NMNAT2: variants seen among roughly 807,000 people sequenced by gnomAD.
The protein encoded by NMNAT2 is nicotinamide nucleotide adenylyltransferase 2, also known as nicotinamide/nicotinic acid mononucleotide adenylyltransferase 2.
Under a neutral mutation model 41.6 loss-of-function variants are expected in NMNAT2, and 11 were observed. The ratio of observed to expected loss-of-function variants is 0.26; its 90% CI spans 0.17 to 0.44. The LOEUF is 0.44. Among genes scored for constraint, NMNAT2 ranks in the 20% least tolerant of loss-of-function variants. The pLI is 1.00. For missense variants in NMNAT2, 288 were observed against 407.7 expected, an observed-to-expected ratio of 0.71 and a Z score of 2.53; for synonymous variants, 148 against 151.2, an observed-to-expected ratio of 0.98 and a Z score of 0.16.
chr1:183,367,970 G>T (rs970565007), intron 1 of NMNAT2, among the ~76,000 whole-genome samples: 2 of 152,066 alleles, frequency 1.3e-5, no homozygotes, highest in African/African-American at 4.8e-5. Context: ...AATAAGCAAA[G>T]AAATGGAGAG....
chr1:183,258,957 T>C (rs1268952380), intron 10 of NMNAT2, among the ~76,000 whole-genome samples: 1 of 152,182 alleles, frequency 6.6e-6, no homozygotes, highest in Non-Finnish European at 1.5e-5. Flanking sequence ...AATAAAACTC[T>C]GGTCTCCCGC....
At position 183,378,308 on chromosome 1, in the gene NMNAT2, C is replaced by T. The variant is rs112703465; in HGVS notation, c.85+39875G>A. On this transcript the variant is annotated intron_variant, in intron 1 of 10. Transcript: ENST00000287713. ...ACTCAGGAGGCTGAGGTAGGATAATCGCTTAAACCTAGGAGACAGAGGTTG... is the reference window on the plus strand; with the variant it reads ...ACTCAGGAGGCTGAGGTAGGATAATTGCTTAAACCTAGGAGACAGAGGTTG... Among the ~76,000 whole-genome samples the T allele has an allele frequency of 5.9e-3, 891 of 151,822 alleles. 14 individuals are homozygous for T. Among genetic ancestry groups the T allele is most frequent in the African/African-American group, 0.019 (801 of 41,374 alleles).
At chr1:183,362,312 T>A (rs1387155525) in intron 1 of NMNAT2, among the ~76,000 whole-genome samples, 1 of 152,180 alleles carries the variant, frequency 6.6e-6, no homozygotes, top group Non-Finnish European at 1.5e-5. Context: ...TGCAATTCAG[T>A]GATTTTTAGT....
chr1:183,390,998 T>G (rs899226435), intron 1 of NMNAT2, among the ~76,000 whole-genome samples: 1 of 152,106 alleles, frequency 6.6e-6, no homozygotes, highest in Non-Finnish European at 1.5e-5. Context: ...GCCTAAAAAT[T>G]AACACAAACC....
chr1:183,340,659 G>A lies in NMNAT2; in HGVS notation c.86-46866C>T, dbSNP rs553476733. Reference sequence around the variant, plus strand: ...CTTCTTCCGATGGACAGCAGACTGGGAAGCTTTGCAAAAACTTGCTTGATT... The same window carrying A: ...CTTCTTCCGATGGACAGCAGACTGGAAAGCTTTGCAAAAACTTGCTTGATT... On this transcript the variant is annotated intron_variant, in intron 1 of 10. Coordinates refer to ENST00000287713, the MANE Select transcript of NMNAT2 (RefSeq NM_015039.4). 3.7e-3 allele frequency among the ~76,000 whole-genome samples: 568 copies of A among 152,274 alleles called. 3 individuals carry two copies. The highest frequency in any genetic ancestry group is 6.4e-3 in the Non-Finnish European group (436 of 68,020).
At chr1:183,270,929 C>T (rs1308247301) in intron 8 of NMNAT2, among the ~76,000 whole-genome samples, 10 of 152,036 alleles carry the variant, frequency 6.6e-5, no homozygotes, top group Admixed American at 5.9e-4. Context: ...GGCTAATGCC[C>T]GAGGCTCTTC....
chr1:183,319,473 CT>C (rs1662316999), intron 1 of NMNAT2, among the ~76,000 whole-genome samples: 2 of 152,236 alleles, frequency 1.3e-5, no homozygotes, highest in African/African-American at 4.8e-5. Flanking sequence ...AGCCAGCTCT[CT>C]CAGAGGCAGC....
In NMNAT2 at chr1:183,257,087, C is replaced by T. The variant is rs149177126; in HGVS notation, c.821+3915G>A. ...CTTTATCTGGCTTAGGTATCAAAGG[C>T]GATGCTGGCCTCGTAGAATGTGCTA... On this transcript the variant is annotated intron_variant, in intron 10 of 10. Transcript: ENST00000287713. 1.0e-3 allele frequency among the ~76,000 whole-genome samples: 155 copies of T among 152,076 alleles called. 1 individual carries two copies. In the East Asian group the frequency reaches 0.019, roughly 19 times the overall value.
intron 1 of NMNAT2, among the ~76,000 whole-genome samples, chr1:183,318,745 T>C (rs1351147634): frequency 1.3e-5 from 2 of 152,188 alleles, no homozygotes; most frequent in Admixed American, 1.3e-4. Context: ...ACTGCTGACC[T>C]CTACTTCTAC....
chr1:183,294,878 A>G (rs1418973345), intron 1 of NMNAT2, among the ~76,000 whole-genome samples: 1 of 152,256 alleles, frequency 6.6e-6, no homozygotes, highest in Non-Finnish European at 1.5e-5. Flanking sequence ...ATAGTGAAGG[A>G]ATTTTTAAGT....
At chr1:183,308,431 T>C (rs969510754) in intron 1 of NMNAT2, among the ~76,000 whole-genome samples, 1 of 152,200 alleles carries the variant, frequency 6.6e-6, no homozygotes, top group Non-Finnish European at 1.5e-5. Flanking sequence ...GGCATGACCT[T>C]GACCTGGCAC....
intron 1 of NMNAT2, among the ~76,000 whole-genome samples, chr1:183,414,119 A>G (rs992994056): frequency 6.6e-6 from 1 of 152,210 alleles, no homozygotes; most frequent in Non-Finnish European, 1.5e-5. Context: ...TTTTGGAGAC[A>G]ATATCAGAGC....
At chr1:183,267,206 G>A (rs1025036025) in intron 8 of NMNAT2, 1 of 152,322 alleles carries the variant, frequency 6.6e-6, no homozygotes, top group Non-Finnish European at 1.5e-5. Context: ...AAAAACCACT[G>A]GGGGAGAGAC....
At chr1:183,337,238 A>G (rs1571605837) in intron 1 of NMNAT2, among the ~76,000 whole-genome samples, 2 of 152,342 alleles carry the variant, frequency 1.3e-5, no homozygotes, top group East Asian at 1.9e-4. Context: ...GATTTCTACA[A>G]TAAGAGAGAA....
intron 1 of NMNAT2, among the ~76,000 whole-genome samples, chr1:183,315,057 C>G (rs1468660842): frequency 6.6e-6 from 1 of 152,176 alleles, no homozygotes; most frequent in Non-Finnish European, 1.5e-5. Context: ...ATGCAGATTT[C>G]AAAAATCAAA....
intron 1 of NMNAT2, among the ~76,000 whole-genome samples, chr1:183,305,746 G>A (rs1244325385): frequency 8.5e-6 from 1 of 118,274 alleles, no homozygotes. Flanking sequence ...TAAAGAAAGA[G>A]TTTCTCTCTT....
intron 1 of NMNAT2, among the ~76,000 whole-genome samples, chr1:183,347,942 G>C (rs913102236): frequency 7.2e-5 from 11 of 152,062 alleles, no homozygotes; most frequent in Non-Finnish European, 1.6e-4. Flanking sequence ...CGCTGGGAGG[G>C]TTGAACAAAT....
rs74129751 is a variant in NMNAT2, at chr1:183,350,964, C to G, written c.86-57171G>C. On this transcript the variant is annotated intron_variant, in intron 1 of 10. Transcript: ENST00000287713. ...TTTCCCAGTTCCAGAACTGTGTCAG[C>G]AAAATGGCAATAAAATGTCGCCATG... Among the ~76,000 whole-genome samples the G allele has an allele frequency of 9.7e-3, 1,476 of 152,212 alleles. 25 individuals are homozygous for G. The highest frequency in any genetic ancestry group is 0.034 in the African/African-American group (1,415 of 41,524).
intron 4 of NMNAT2, among the ~76,000 whole-genome samples, chr1:183,287,869 G>C (rs2102305238): frequency 6.6e-6 from 1 of 152,372 alleles, no homozygotes; most frequent in Admixed American, 6.5e-5. Flanking sequence ...GGGCAGAGCA[G>C]TGTATGAGTC....
Sources: allele counts gnomAD v4.1 joint callset (sites outside exome capture counted in the v4.1 genomes callset), GRCh38; gene constraint gnomAD v4.1.1; transcripts MANE v1.5; gene names NCBI Gene and HGNC (gene_info 2026-07-23, HGNC 2026-07-21).